Variants in FDFT1 observed in about 807,000 individuals in gnomAD.
FDFT1 encodes the protein squalene synthase.
A neutral mutation model predicts 46.8 loss-of-function variants in FDFT1; 68 were observed. The observed-to-expected ratio is 1.45, with a 90% confidence interval of 1.19 to 1.78. The LOEUF (loss-of-function observed/expected upper bound fraction) is 1.78, where lower values mean the gene tolerates loss of function less well. Ranked by LOEUF, FDFT1 falls within the 40% of genes most tolerant of loss-of-function variation. The probability of loss-of-function intolerance (pLI) is 0.00; values close to 1 mark genes in which losing one functional copy is unlikely to be tolerated. For missense variants in FDFT1, 928 were observed against 524.4 expected (o/e 1.77, Z -7.52); for synonymous variants, 351 against 185.1 (o/e 1.90, Z -7.28).
intron 1 of FDFT1, among the ~76,000 whole-genome samples, chr8:11,804,825 T>G (rs1371293329): frequency 6.6e-6 from 1 of 151,808 alleles, no homozygotes; most frequent in Non-Finnish European, 1.5e-5. Context: ...GTGAGGCTGG[T>G]TTTGAACTCT....
chr8:11,827,869 A>T (rs1213189756), intron 5 of FDFT1, among the ~76,000 whole-genome samples: 1 of 151,492 alleles, frequency 6.6e-6, no homozygotes, highest in African/African-American at 2.4e-5. Flanking sequence ...GTGAGACCTT[A>T]TCTCTTAAAA....
Position 11,802,881 on chromosome 8 carries a change from G to C in FDFT1, c.49G>C (p.Val17Leu), listed in dbSNP as rs1472923437. The change falls in exon 1 of 8, where the codon GTG becomes CTG. Residue 17 changes from valine to leucine, a missense_variant. Coordinates refer to ENST00000220584, the MANE Select transcript of FDFT1 (RefSeq NM_004462.5). ...CCACCCCGAAGAGTTCTACAACCTG[G>C]TGCGCTTCCGGATCGGGGGCAAGCG... is the stretch of plus-strand genomic sequence containing the variant. Reference protein sequence around the residue: ...LGHPEEFYNLVRFRIGGKRKV... With the variant: ...LGHPEEFYNLLRFRIGGKRKV... 1 of 1,612,356 alleles carries C rather than the reference G, an allele frequency of 6.2e-7. No homozygotes were observed. Among genetic ancestry groups the C allele is most frequent in the Non-Finnish European group, 8.5e-7 (1 of 1,179,156 alleles).
chr8:11,821,728 GT>G, intron 3 of FDFT1, 21 bp from the exon 4 acceptor site: 1 of 1,611,434 alleles, frequency 6.2e-7, no homozygotes, highest in South Asian at 1.1e-5. Flanking sequence ...TGATTTCTGT[GT>G]TTTTACGGTT....
chr8:11,833,519 T>A (rs924514925), intron 7 of FDFT1, among the ~76,000 whole-genome samples: 2 of 152,264 alleles, frequency 1.3e-5, no homozygotes, highest in African/African-American at 4.8e-5. Context: ...TTAAACACTT[T>A]GTGGCCAATT....
At chr8:11,809,177 G>A in intron 2 of FDFT1, 23 of 1,257,928 alleles carry the variant, frequency 1.8e-5, no homozygotes, top group Non-Finnish European at 2.3e-5. Context: ...AGCAGGTCGT[G>A]TATTTCTCGG....
chr8:11,808,123 A>G lies in FDFT1; in HGVS notation c.100-671A>G, dbSNP rs370506359. 7 of 397,706 alleles carry G rather than the reference A, an allele frequency of 1.8e-5. No individual in the cohort carries two copies. The East Asian group carries it at 9.9e-4, about 56-fold the overall frequency. The allele number at this position is 397,706 out of a possible 1,614,324, so 24.6% of individuals were successfully genotyped here. A position where few individuals can be genotyped will look rare whatever the true frequency, so the allele number is the denominator to read the frequency against. On this transcript the variant is annotated intron_variant, in intron 1 of 7. Transcript: ENST00000220584. Reference sequence around the variant, plus strand: ...ATACTGAAGTTGGGGGATTCTGGTCAAATCAATTTAGCAGGATTCTTGGTA... The same window carrying G: ...ATACTGAAGTTGGGGGATTCTGGTCGAATCAATTTAGCAGGATTCTTGGTA...
At position 11,802,784 on chromosome 8, in the gene FDFT1, G is replaced by C. The variant is rs751046922; in HGVS notation, c.-49G>C. On this transcript the variant is annotated 5_prime_UTR_variant, in exon 1 of 8. Transcript: ENST00000220584. ...GTCCAGCCGGCCGGTGAGCGCCTGG[G>C]GACCGCAGAGGTGAGAGTCGCGCCC... 2.6e-5 allele frequency: 38 copies of C among 1,458,906 alleles called. No homozygotes were observed. In the African/African-American group the frequency reaches 5.3e-4, roughly 20 times the overall value. The allele number at this position is 1,458,906 out of a possible 1,614,324, so 90.4% of individuals were successfully genotyped here.
intron 5 of FDFT1, among the ~76,000 whole-genome samples, chr8:11,829,761 A>G (rs1163924681): frequency 3.3e-5 from 5 of 152,152 alleles, no homozygotes; most frequent in South Asian, 2.1e-4. Context: ...TAGCTATTGC[A>G]TGGAGCTTAA....
intron 1 of FDFT1, 170 bp downstream of exon 1, chr8:11,803,101 G>T: frequency 1.4e-6 from 2 of 1,436,916 alleles, no homozygotes; most frequent in South Asian, 1.5e-5. Flanking sequence ...GGCCCGGGTG[G>T]ACGCGGCCGT....
chr8:11,835,322 C>T (rs60818040), intron 7 of FDFT1, among the ~76,000 whole-genome samples: 1 of 152,154 alleles, frequency 6.6e-6, no homozygotes, highest in Non-Finnish European at 1.5e-5. Context: ...AACGAAGCAT[C>T]TAGAAGGTCC....
At chr8:11,824,981 C>T (rs1054585349) in intron 4 of FDFT1, among the ~76,000 whole-genome samples, 23 of 152,200 alleles carry the variant, frequency 1.5e-4, no homozygotes, top group East Asian at 1.4e-3. Context: ...GTGATCCGCC[C>T]GTCTCAGCTT....
intron 5 of FDFT1, among the ~76,000 whole-genome samples, chr8:11,828,434 G>A (rs1375330757): frequency 6.6e-6 from 1 of 152,254 alleles, no homozygotes; most frequent in Non-Finnish European, 1.5e-5. Context: ...ACAGGGCTCA[G>A]AGAAGGGAAG....
In FDFT1 at chr8:11,831,675, G is replaced by C. The variant is rs372841721; in HGVS notation, c.1032+5G>C. ...ATATATCAGTATATGGAAGAGGTGG[G>C]TTTTTATTTAACTACTTGGATAATT... On this transcript the variant is annotated splice_donor_5th_base_variant and intron_variant, in intron 7 of 7. Transcript: ENST00000220584. The C allele has an allele frequency of 3.7e-6, 6 of 1,610,202 alleles. No individual in the cohort carries two copies. Among genetic ancestry groups the C allele is most frequent in the Non-Finnish European group, 5.1e-6 (6 of 1,176,764 alleles).
intron 4 of FDFT1, among the ~76,000 whole-genome samples, chr8:11,822,718 G>C (rs368589032): frequency 1.3e-5 from 2 of 152,264 alleles, no homozygotes; most frequent in African/African-American, 4.8e-5. Flanking sequence ...GGAGGCTGAG[G>C]TGTGGGAGGA....
intron 3 of FDFT1, among the ~76,000 whole-genome samples, chr8:11,817,129 A>G (rs1259846310): frequency 1.3e-5 from 2 of 152,136 alleles, no homozygotes; most frequent in Admixed American, 1.3e-4. Context: ...TGAGATAATC[A>G]TGTGGTTTTT....
chr8:11,812,874 G>T (rs139851246), intron 3 of FDFT1, among the ~76,000 whole-genome samples: 65 of 152,318 alleles, frequency 4.3e-4, no homozygotes, highest in South Asian at 1.7e-3. Flanking sequence ...TTAGGGGTTC[G>T]ATTAGAGTAC....
At chr8:11,818,533 A>G (rs189140388) in intron 3 of FDFT1, among the ~76,000 whole-genome samples, 181 of 152,262 alleles carry the variant, frequency 1.2e-3, no homozygotes, top group African/African-American at 4.2e-3. Context: ...TGCTTTATGA[A>G]TCTGGGTGCT....
chr8:11,828,276 G>A (rs1442262519), intron 5 of FDFT1, among the ~76,000 whole-genome samples: 1 of 151,844 alleles, frequency 6.6e-6, no homozygotes, highest in Non-Finnish European at 1.5e-5. Flanking sequence ...GGGAGACAGA[G>A]CAAAACCCTT....
At chr8:11,827,069 T>A (rs1487035985) in intron 5 of FDFT1, among the ~76,000 whole-genome samples, 1 of 152,184 alleles carries the variant, frequency 6.6e-6, no homozygotes, top group Admixed American at 6.5e-5. Context: ...TGATACTGAT[T>A]TTGTTCAGAA....
Sources: gnomAD v4.1 joint callset for allele counts (sites outside exome capture counted in the v4.1 genomes callset) on GRCh38, gnomAD v4.1.1 for gene constraint, MANE v1.5 for transcripts, NCBI Gene and HGNC (gene_info 2026-07-23, HGNC 2026-07-21) for gene names.